Variants in FNDC3B observed in about 807,000 individuals in gnomAD.
The protein encoded by FNDC3B is fibronectin type III domain containing 3B, also known as fibronectin type III domain-containing protein 3B.
A neutral mutation model predicts 151.5 loss-of-function variants in FNDC3B; 12 were observed. The ratio of observed to expected loss-of-function variants is 0.08; its 90% CI spans 0.05 to 0.13. The LOEUF is 0.13. Among genes scored for constraint, FNDC3B ranks in the 10% least tolerant of loss-of-function variants. FNDC3B has a pLI of 1.00. For missense variants in FNDC3B, 1,214 were observed against 1,505.3 expected (o/e 0.81, Z 3.20); for synonymous variants, 528 against 549.0 (o/e 0.96, Z 0.54).
chr3:172,085,481 C>T (rs939497149), intron 1 of FNDC3B, among the ~76,000 whole-genome samples: 26 of 152,148 alleles, frequency 1.7e-4, no homozygotes, highest in Non-Finnish European at 3.4e-4. Context: ...CTCTTGATAC[C>T]GAAGCTGAGT....
chr3:172,253,683 A>C (rs964100263), intron 6 of FNDC3B, among the ~76,000 whole-genome samples: 1 of 152,116 alleles, frequency 6.6e-6, no homozygotes, highest in Non-Finnish European at 1.5e-5. Flanking sequence ...TATATACCTA[A>C]CCATAACATG....
chr3:172,126,405 T>TA (rs777753080), intron 2 of FNDC3B, among the ~76,000 whole-genome samples: 18 of 152,284 alleles, frequency 1.2e-4, no homozygotes, highest in Non-Finnish European at 2.1e-4. Flanking sequence ...TCAGTGTGTG[T>TA]ATGTCCTCAA....
chr3:172,329,152 G>A, intron 12 of FNDC3B, 76 bp downstream of exon 12: 3 of 1,493,078 alleles, frequency 2.0e-6, no homozygotes, highest in Non-Finnish European at 1.8e-6. Context: ...TAGCTGGAAG[G>A]CATGAGGAAG....
intron 6 of FNDC3B, among the ~76,000 whole-genome samples, chr3:172,263,092 AATAT>A (rs35820918): frequency 1.1e-4 from 16 of 145,352 alleles, no homozygotes; most frequent in African/African-American, 3.5e-4. Context: ...AATATATATA[AATAT>A]ATATATATAT....
intron 2 of FNDC3B, among the ~76,000 whole-genome samples, chr3:172,120,850 GCT>G (rs1301418244): frequency 6.6e-6 from 1 of 152,042 alleles, no homozygotes; most frequent in Non-Finnish European, 1.5e-5. Context: ...TGTAGTCCCA[GCT>G]ACTCAGGAGG....
chr3:172,364,685 G>C (rs140957775), intron 23 of FNDC3B, among the ~76,000 whole-genome samples: 6 of 152,298 alleles, frequency 3.9e-5, no homozygotes, highest in African/African-American at 1.4e-4. Flanking sequence ...TTCCAAATGA[G>C]GTTCCTGGCA....
Position 172,131,651 on chromosome 3 carries a change from A to G in FNDC3B, c.112-1820A>G, listed in dbSNP as rs1244607237. Among the ~76,000 whole-genome samples the G allele has an allele frequency of 2.6e-5, 4 of 152,294 alleles. No individual in the cohort carries two copies. In the East Asian group the frequency reaches 7.7e-4, roughly 29 times the overall value. ...TGATCCTGTTTTTTCCAGGTAATGTATTTTCTGATTTAAAAAAATTTAGTA... is the reference window on the plus strand; with the variant it reads ...TGATCCTGTTTTTTCCAGGTAATGTGTTTTCTGATTTAAAAAAATTTAGTA... On this transcript the variant is annotated intron_variant, in intron 2 of 25. Transcript: ENST00000415807.
intron 5 of FNDC3B, among the ~76,000 whole-genome samples, chr3:172,250,959 G>T (rs1728032057): frequency 6.6e-6 from 1 of 152,126 alleles, no homozygotes; most frequent in Admixed American, 6.5e-5. Context: ...TGGGATTATA[G>T]GCGCCTACCA....
chr3:172,103,223 T>TG (rs1458687132), intron 1 of FNDC3B, among the ~76,000 whole-genome samples: 3 of 152,166 alleles, frequency 2.0e-5, no homozygotes, highest in East Asian at 3.8e-4. Context: ...AAAACTGAGC[T>TG]GGTATTATGT....
At chr3:172,051,071 A>ATTTTCTT (rs1716626496) in intron 1 of FNDC3B, among the ~76,000 whole-genome samples, 1 of 145,304 alleles carries the variant, frequency 6.9e-6, no homozygotes, top group Admixed American at 6.9e-5. Flanking sequence ...ATAACTTATC[A>ATTTTCTT]TTTTCTTTCT....
chr3:172,242,695 G>A (rs1321679818), intron 4 of FNDC3B, among the ~76,000 whole-genome samples: 1 of 152,222 alleles, frequency 6.6e-6, no homozygotes, highest in East Asian at 1.9e-4. Context: ...CTCAGGGCCT[G>A]TGATGAGAGG....
chr3:172,096,427 A>G (rs889918997), intron 1 of FNDC3B, among the ~76,000 whole-genome samples: 1 of 152,184 alleles, frequency 6.6e-6, no homozygotes, highest in Non-Finnish European at 1.5e-5. Context: ...GTAGCCTAAT[A>G]TCATATAAAA....
At chr3:172,282,192 A>C (rs1347312327) in intron 6 of FNDC3B, among the ~76,000 whole-genome samples, 1 of 152,166 alleles carries the variant, frequency 6.6e-6, no homozygotes. Flanking sequence ...GTCACTTTAA[A>C]ACAAATTTTA....
intron 11 of FNDC3B, among the ~76,000 whole-genome samples, chr3:172,312,097 G>A (rs778001022): frequency 6.6e-6 from 1 of 152,100 alleles, no homozygotes; most frequent in Non-Finnish European, 1.5e-5. Flanking sequence ...AAAATGACTT[G>A]GCAAGTATGG....
intron 3 of FNDC3B, among the ~76,000 whole-genome samples, chr3:172,149,218 A>C (rs1320214292): frequency 6.6e-6 from 1 of 152,202 alleles, no homozygotes; most frequent in African/African-American, 2.4e-5. Flanking sequence ...GTTTTTATGA[A>C]ATTCACTTGA....
chr3:172,124,092 A>C (rs1720689608), intron 2 of FNDC3B, among the ~76,000 whole-genome samples: 1 of 150,888 alleles, frequency 6.6e-6, no homozygotes, highest in African/African-American at 2.4e-5. Flanking sequence ...CACACTTGGA[A>C]CTTTTTTTTT....
intron 23 of FNDC3B, among the ~76,000 whole-genome samples, chr3:172,368,570 C>A (rs1440554782): frequency 6.6e-6 from 1 of 152,194 alleles, no homozygotes; most frequent in Non-Finnish European, 1.5e-5. Context: ...GGTATCAAAT[C>A]TCTGTTGAAA....
chr3:172,295,695 A>G (rs1314073594), intron 8 of FNDC3B, among the ~76,000 whole-genome samples, 181 bp downstream of exon 8: 3 of 152,210 alleles, frequency 2.0e-5, no homozygotes, highest in Admixed American at 6.5e-5. Context: ...TTATTTGGAA[A>G]TGAGTAGCAT....
intron 1 of FNDC3B, among the ~76,000 whole-genome samples, chr3:172,050,434 A>C (rs1351495480): frequency 1.3e-5 from 2 of 151,336 alleles, no homozygotes; most frequent in Non-Finnish European, 2.9e-5. Context: ...CCCAGGCTGG[A>C]GTGCAGTGGC....
Sources: allele counts gnomAD v4.1 joint callset (sites outside exome capture counted in the v4.1 genomes callset), GRCh38; gene constraint gnomAD v4.1.1; transcripts MANE v1.5; gene names NCBI Gene and HGNC (gene_info 2026-07-23, HGNC 2026-07-21).